The following COL1A1 variants were observed in gnomAD, a reference collection of about 807,000 sequenced individuals.
The protein encoded by COL1A1 is collagen alpha-1(I) chain.
Under a neutral mutation model 195.7 loss-of-function variants are expected in COL1A1, and 21 were observed. That is an observed-to-expected ratio of 0.11 (90% CI 0.08 to 0.15). COL1A1 has a LOEUF of 0.15. Ranked by LOEUF, COL1A1 falls within the 10% of genes least tolerant of loss-of-function variation. COL1A1 has a pLI of 1.00. For synonymous variants in COL1A1, 749 were observed against 747.3 expected, an observed-to-expected ratio of 1.00 and a Z score of -0.04; for missense variants, 1,365 against 2,051.0, an observed-to-expected ratio of 0.67 and a Z score of 6.46.
At position 50,194,148 on chromosome 17, in the gene COL1A1, A is replaced by C. The variant is rs772655468; in HGVS notation, c.1650T>G (p.Asp550Glu). ...LTGSPGSPGP[D>E]GKTGPPGPAG... ...TACTTACAGGGGGGCCAGTTTTGCC[A>C]TCAGGACCAGGGCTGCCAGGGCTTC... Residue 550 changes from aspartate to glutamate, a missense_variant, in exon 24 of 51, where the codon GAT becomes GAG. By Grantham distance (45) the Asp-to-Glu change is conservative (BLOSUM62 2). Coordinates refer to ENST00000225964, the MANE Select transcript of COL1A1 (RefSeq NM_000088.4). The surrounding 1 kb of genome is among the most constrained non-coding windows in gnomAD (Gnocchi z 6.8). 5 of 1,613,816 alleles carry C rather than the reference A, an allele frequency of 3.1e-6. No homozygotes were observed. Among genetic ancestry groups the C allele is most frequent in the African/African-American group, 1.3e-5 (1 of 74,978 alleles).
chr17:50,201,014 G>A (rs1398806168), intron 1 of COL1A1, among the ~76,000 whole-genome samples: 1 of 152,252 alleles, frequency 6.6e-6, no homozygotes, highest in Admixed American at 6.5e-5. Context: ...CCCGCAGAGA[G>A]GGCAATCTTT....
chr17:50,194,717 T>G lies in COL1A1; in HGVS notation c.1461+4A>C. ...AGCGGGAGGGGGCGGGCAGGGACACTTACACGCTCGCCAGGGGGTCCGGGC... is the reference window on the plus strand; with the variant it reads ...AGCGGGAGGGGGCGGGCAGGGACACGTACACGCTCGCCAGGGGGTCCGGGC... On this transcript the variant is annotated splice_donor_region_variant and intron_variant, in intron 21 of 50. Transcript: ENST00000225964. This position sits in a 1 kb window ranked among gnomAD's most constrained non-coding sequence, Gnocchi z 6.8. 6.4e-7 allele frequency: 1 copy of G among 1,564,840 alleles called. No homozygotes were observed. Among genetic ancestry groups the G allele is most frequent in the Non-Finnish European group, 8.7e-7 (1 of 1,154,150 alleles).
Position 50,193,004 on chromosome 17 carries a change from G to C in COL1A1, c.1811C>G (p.Pro604Arg), listed in dbSNP as rs374990175. 6.2e-7 allele frequency: 1 copy of C among 1,614,138 alleles called. No homozygotes were observed. Residue 604 changes from proline (P) to arginine (R), a missense_variant, in exon 26 of 51, where the codon CCT (proline) becomes CGT (arginine). Physicochemically the swap from Pro to Arg is moderately radical, Grantham distance 103 (BLOSUM62 -2). This residue lies in a region of COL1A1 where 671 missense variants were observed against 1,099.9 expected (regional missense o/e 0.61). Coordinates refer to ENST00000225964, the MANE Select transcript of COL1A1 (RefSeq NM_000088.4). ...KAGERGVPGP[P>R]GAVGPAGKDG... is the part of the protein sequence containing the mutation. ...AAAGGAGATACTTACGACAGCGCCA[G>C]GGGGTCCGGGAACACCTCGCTCTCC...
In COL1A1 at chr17:50,189,353, G is replaced by T. The variant is rs767789242; in HGVS notation, c.2829+24C>A. ...CCCAGCTCTGCACACCTCCGGAGCT[G>T]CAGAGATCTGAGCTGGCACTTACAG... On this transcript the variant is annotated intron_variant, in intron 39 of 50. Transcript: ENST00000225964. This position sits in a 1 kb window ranked among gnomAD's most constrained non-coding sequence, Gnocchi z 5.5. The T allele has an allele frequency of 3.1e-6, 5 of 1,613,690 alleles. No homozygotes were observed. The highest frequency in any genetic ancestry group is 8.5e-7 in the Non-Finnish European group (1 of 1,179,976).
At chr17:50,199,390 C>A (rs1327716640) in intron 4 of COL1A1, 28 bp downstream of exon 4, 2 of 1,612,972 alleles carry the variant, frequency 1.2e-6, no homozygotes, top group East Asian at 4.5e-5. Flanking sequence ...CACCTGCAGC[C>A]CCCCACAGCC....
chr17:50,191,879 C>A lies in COL1A1; in HGVS notation c.2036G>T (p.Arg679Ile). The change falls in exon 31 of 51, where the codon AGA becomes ATA. Residue 679 changes from arginine (R) to isoleucine (I), a missense_variant. This residue lies in a region of COL1A1 where 671 missense variants were observed against 1,099.9 expected (regional missense o/e 0.61). Coordinates refer to ENST00000225964, the MANE Select transcript of COL1A1 (RefSeq NM_000088.4). ...CACACCACGCTCGCCAGGGAAACCT[C>A]TCTCGCCCTAGAAGGGAAGGACAGG... ...APGPSGARGE[R>I]GFPGERGVQG... 2 of 1,602,464 alleles carry A rather than the reference C, an allele frequency of 1.2e-6. No homozygotes were observed. Among genetic ancestry groups the A allele is most frequent in the South Asian group, 2.2e-5 (2 of 89,016 alleles).
Position 50,201,522 on chromosome 17 carries a change from CCTAGACATGTAGACT to C in COL1A1, c.-24_-10del, listed in dbSNP as rs1908097465. 6.2e-7 allele frequency: 1 copy of C among 1,605,864 alleles called. No individual in the cohort carries two copies. Among genetic ancestry groups the C allele is most frequent in the Non-Finnish European group, 8.5e-7 (1 of 1,176,118 alleles). On this transcript the variant is annotated 5_prime_UTR_variant, in exon 1 of 51. The change abolishes an upstream ATG in the 5' untranslated region. Coordinates refer to ENST00000225964, the MANE Select transcript of COL1A1 (RefSeq NM_000088.4). ...TCCACAAAGCTGAACATGTCTAGACCCTAGACATGTAGACTCTTTGTGGCTGGGGAGGGGGTTAGC... is the reference window on the plus strand; with the variant it reads ...TCCACAAAGCTGAACATGTCTAGACCCTTTGTGGCTGGGGAGGGGGTTAGC...
rs563245159 is a variant in COL1A1, at chr17:50,190,658, C to T, written c.2344-62G>A. On this transcript the variant is annotated intron_variant, in intron 33 of 50. Transcript: ENST00000225964. This position sits in a 1 kb window ranked among gnomAD's most constrained non-coding sequence, Gnocchi z 4.7. ...TCCCCTGAATACTCCTAGTAGATGA[C>T]CCCAGGAGAGCCTCCCCTCCTTCTG... 1 of 1,577,058 alleles carries T rather than the reference C, an allele frequency of 6.3e-7. No homozygotes were observed. Among genetic ancestry groups the T allele is most frequent in the African/African-American group, 1.3e-5 (1 of 74,124 alleles).
chr17:50,194,471 C>T lies in COL1A1; in HGVS notation c.1516-24G>A, dbSNP rs1002741196. 6.2e-7 allele frequency: 1 copy of T among 1,613,616 alleles called. No homozygotes were observed. The highest frequency in any genetic ancestry group is 8.5e-7 in the Non-Finnish European group (1 of 1,179,650). On this transcript the variant is annotated intron_variant, in intron 22 of 50. Coordinates refer to ENST00000225964, the MANE Select transcript of COL1A1 (RefSeq NM_000088.4). The surrounding 1 kb of genome is among the most constrained non-coding windows in gnomAD (Gnocchi z 6.8). ...CCCTGGTTGGGGGAAGTCACAGGAA[C>T]AGTTAGGGTCTCAAGTTTGTGGCTC...
At chr17:50,200,872 G>T (rs1334304608) in intron 1 of COL1A1, among the ~76,000 whole-genome samples, 1 of 152,204 alleles carries the variant, frequency 6.6e-6, no homozygotes, top group Non-Finnish European at 1.5e-5. Context: ...GCAGTGCTCA[G>T]CATCGGTCAG....
At position 50,188,404 on chromosome 17, in the gene COL1A1, C is replaced by A. The variant is rs1906743797; in HGVS notation, c.3207+126G>T. 2.9e-6 allele frequency: 3 copies of A among 1,044,862 alleles called. No homozygotes were observed. The highest frequency in any genetic ancestry group is 4.4e-6 in the Non-Finnish European group (3 of 680,316). 64.7% of individuals were successfully genotyped at this position (1,044,862 alleles called of 1,614,324 possible). A position where few individuals can be genotyped will look rare whatever the true frequency, so the allele number is the denominator to read the frequency against. On this transcript the variant is annotated intron_variant, in intron 43 of 50. Transcript: ENST00000225964. This position sits in a 1 kb window ranked among gnomAD's most constrained non-coding sequence, Gnocchi z 5.6. ...TCAGTTTTTTGGATTAAGGCCCTGA[C>A]ATCTTGCAGGATCTCCTTTCCTCCC...
intron 5 of COL1A1, 144 bp downstream of exon 5, chr17:50,199,082 T>C: frequency 1.1e-6 from 1 of 914,840 alleles, no homozygotes; most frequent in African/African-American, 1.7e-5. Context: ...TGTCACAAAC[T>C]GTGAAGGGTA....
At position 50,194,894 on chromosome 17, in the gene COL1A1, G is replaced by A. The variant is rs1369019289; in HGVS notation, c.1354-66C>T. 22 of 1,522,404 alleles carry A rather than the reference G, an allele frequency of 1.4e-5. No homozygotes were observed. The highest frequency in any genetic ancestry group is 1.4e-4 in the South Asian group (12 of 88,464). 94.3% of individuals were successfully genotyped at this position (1,522,404 alleles called of 1,614,324 possible). A position where few individuals can be genotyped will look rare whatever the true frequency, so the allele number is the denominator to read the frequency against. Reference sequence around the variant, plus strand: ...GCCATCCTGTGCCAGCCTCAGAGCCGGCTGAGGCTGGGCCTCCAGTGTCAG... The same window carrying A: ...GCCATCCTGTGCCAGCCTCAGAGCCAGCTGAGGCTGGGCCTCCAGTGTCAG... On this transcript the variant is annotated intron_variant, in intron 20 of 50. Coordinates refer to ENST00000225964, the MANE Select transcript of COL1A1 (RefSeq NM_000088.4). The surrounding 1 kb of genome is among the most constrained non-coding windows in gnomAD (Gnocchi z 6.8).
In COL1A1 at chr17:50,196,078, T is replaced by C. The variant is rs2734281; in HGVS notation, c.1002+77A>G. 0.83 allele frequency: 1,326,853 copies of C among 1,606,640 alleles called. 550,872 individuals are homozygous for C. The highest frequency in any genetic ancestry group is 0.93 in the African/African-American group (69,719 of 74,792). On this transcript the variant is annotated intron_variant, in intron 15 of 50. Coordinates refer to ENST00000225964, the MANE Select transcript of COL1A1 (RefSeq NM_000088.4). The stretch of plus-strand genomic sequence containing the variant: ...TGGGGTTCAGACCAACATAACCTGC[T>C]CCCATTGTCAGCCCCAAGAGCAGAT...
Position 50,188,024 on chromosome 17 carries a change from A to G in COL1A1, c.3262-41T>C, listed in dbSNP as rs1906709031. The G allele has an allele frequency of 1.2e-6, 2 of 1,613,858 alleles. No homozygotes were observed. Among genetic ancestry groups the G allele is most frequent in the Non-Finnish European group, 8.5e-7 (1 of 1,179,778 alleles). Reference sequence around the variant, plus strand: ...GGACAAACTGTCAGGCGGAAGTTCCATTGGCATCGAGTGGGGCACTGTCTG... The same window carrying G: ...GGACAAACTGTCAGGCGGAAGTTCCGTTGGCATCGAGTGGGGCACTGTCTG... On this transcript the variant is annotated intron_variant, in intron 44 of 50. Coordinates refer to ENST00000225964, the MANE Select transcript of COL1A1 (RefSeq NM_000088.4). This position sits in a 1 kb window ranked among gnomAD's most constrained non-coding sequence, Gnocchi z 5.6.
rs2253369 is a variant in COL1A1 at position 50,194,694 on chromosome 17, C to T, written c.1461+27G>A. The T allele has an allele frequency of 0.68, 1,059,413 of 1,558,118 alleles. 361,389 individuals are homozygous for T. Among genetic ancestry groups the T allele is most frequent in the Admixed American group, 0.76 (39,309 of 51,854 alleles). The stretch of plus-strand genomic sequence containing the variant: ...CACCAGCCAGGCAATGAGGGTGGAG[C>T]GGGAGGGGGCGGGCAGGGACACTTA... On this transcript the variant is annotated intron_variant, in intron 21 of 50. Transcript: ENST00000225964. This position sits in a 1 kb window ranked among gnomAD's most constrained non-coding sequence, Gnocchi z 6.8.
At position 50,187,465 on chromosome 17, in the gene COL1A1, G is replaced by A. The variant is rs1228083251; in HGVS notation, c.3423+19C>T. ...CTGGGCTTGGGGCTCAGGAAGAGGA[G>A]AGAGAAGGCATGACTTACTCGGGGA... On this transcript the variant is annotated intron_variant, in intron 46 of 50. Coordinates refer to ENST00000225964, the MANE Select transcript of COL1A1 (RefSeq NM_000088.4). 1 of 1,613,724 alleles carries A rather than the reference G, an allele frequency of 6.2e-7. No homozygotes were observed. The highest frequency in any genetic ancestry group is 8.5e-7 in the Non-Finnish European group (1 of 1,179,854).
chr17:50,195,723 C>T lies in COL1A1; in HGVS notation c.1057-58G>A, dbSNP rs558231996. ...CCCTGGGAAACCCAACCTTGCCTCTCGGGATGGCAGGAGGAAGGGGAGACA... is the reference window on the plus strand; with the variant it reads ...CCCTGGGAAACCCAACCTTGCCTCTTGGGATGGCAGGAGGAAGGGGAGACA... On this transcript the variant is annotated intron_variant, in intron 16 of 50. Coordinates refer to ENST00000225964, the MANE Select transcript of COL1A1 (RefSeq NM_000088.4). This position sits in a 1 kb window ranked among gnomAD's most constrained non-coding sequence, Gnocchi z 4.3. The T allele has an allele frequency of 1.5e-5, 24 of 1,549,082 alleles. No individual in the cohort carries two copies. Among genetic ancestry groups the T allele is most frequent in the Middle Eastern group, 1.8e-4 (1 of 5,664 alleles).
chr17:50,188,376 A>G lies in COL1A1; in HGVS notation c.3207+154T>C. On this transcript the variant is annotated intron_variant, in intron 43 of 50. Coordinates refer to ENST00000225964, the MANE Select transcript of COL1A1 (RefSeq NM_000088.4). The surrounding 1 kb of genome is among the most constrained non-coding windows in gnomAD (Gnocchi z 5.6). ...GAGAGGGGACTTGGGGCTGAGCTTT[A>G]ACTCAGTTTTTTGGATTAAGGCCCT... 1 of 892,074 alleles carries G rather than the reference A, an allele frequency of 1.1e-6. No homozygotes were observed. Among genetic ancestry groups the G allele is most frequent in the South Asian group, 1.5e-5 (1 of 64,868 alleles). 55.3% of individuals were successfully genotyped at this position (892,074 alleles called of 1,614,324 possible).
Sources: allele counts gnomAD v4.1 joint callset (sites outside exome capture counted in the v4.1 genomes callset), GRCh38; gene constraint gnomAD v4.1.1; regional missense constraint gnomAD v4.1.1; non-coding constraint Gnocchi (gnomAD v3.1); transcripts MANE v1.5; gene names NCBI Gene and HGNC (gene_info 2026-07-23, HGNC 2026-07-21).